The following CPVL variants were observed in gnomAD, a reference collection of about 807,000 sequenced individuals.
The protein encoded by CPVL is carboxypeptidase vitellogenic like, also known as probable serine carboxypeptidase CPVL.
CPVL carries 51 observed loss-of-function variants against 63.7 expected under a neutral mutation model. That is an observed-to-expected ratio of 0.80 (90% CI 0.64 to 1.01). CPVL has a LOEUF of 1.01. CPVL is among the 50% of genes least tolerant of loss of function. The pLI, the probability that CPVL is intolerant of heterozygous loss-of-function variation, is 0.00. For missense variants in CPVL, 530 were observed against 573.1 expected (o/e 0.92, Z 0.77); for synonymous variants, 195 against 206.0 (o/e 0.95, Z 0.46).
chr7:29,038,809 G>T (rs183587438), intron 11 of CPVL, among the ~76,000 whole-genome samples: 30 of 152,340 alleles, frequency 2.0e-4, no homozygotes, highest in African/African-American at 5.8e-4. Context: ...TGGATTTGCA[G>T]GTGGTTAAGT....
intron 7 of CPVL, among the ~76,000 whole-genome samples, chr7:29,079,805 A>G (rs1784527635): frequency 6.6e-6 from 1 of 152,142 alleles, no homozygotes; most frequent in Non-Finnish European, 1.5e-5. Context: ...GCTTGAAATT[A>G]CCCTATTACA....
intron 12 of CPVL, chr7:28,996,305 A>C (rs1460409089): frequency 6.5e-6 from 1 of 154,910 alleles, no homozygotes; most frequent in Non-Finnish European, 1.4e-5. Flanking sequence ...TCCACCCTTC[A>C]GTTAGCCAGC....
At chr7:29,128,403 C>T (rs1181481837) in intron 1 of CPVL, among the ~76,000 whole-genome samples, 1 of 152,038 alleles carries the variant, frequency 6.6e-6, no homozygotes, top group Non-Finnish European at 1.5e-5. Flanking sequence ...CTGAGTGCTT[C>T]GCTTCATGAG....
intron 11 of CPVL, among the ~76,000 whole-genome samples, chr7:29,036,585 C>T (rs1269566060): frequency 6.6e-6 from 1 of 152,178 alleles, no homozygotes; most frequent in Non-Finnish European, 1.5e-5. Context: ...ACACCCTTGA[C>T]TACTAATTTT....
chr7:29,076,348 C>G (rs574208189), intron 7 of CPVL, among the ~76,000 whole-genome samples: 2 of 152,224 alleles, frequency 1.3e-5, no homozygotes, highest in Admixed American at 1.3e-4. Context: ...GTCAATGAAG[C>G]CCCTGAGGTC....
chr7:29,003,862 G>T (rs1230716221), intron 12 of CPVL, among the ~76,000 whole-genome samples: 2 of 152,012 alleles, frequency 1.3e-5, no homozygotes, highest in African/African-American at 4.8e-5. Flanking sequence ...TCACAATAGG[G>T]TTCCCCTCCT....
upstream of CPVL, among the ~76,000 whole-genome samples, chr7:29,148,089 A>C (rs117161309): frequency 9.2e-5 from 14 of 152,332 alleles, no homozygotes; most frequent in East Asian, 2.1e-3. Flanking sequence ...CAGAGTCAGC[A>C]ATGTTCGCCC....
chr7:29,036,487 ACT>A (rs1460748711), intron 11 of CPVL, among the ~76,000 whole-genome samples: 1 of 152,030 alleles, frequency 6.6e-6, no homozygotes, highest in African/African-American at 2.4e-5. Flanking sequence ...TGTCAATCTC[ACT>A]CTTTCAGAAA....
chr7:29,091,180 G>A (rs1785737179), intron 6 of CPVL, among the ~76,000 whole-genome samples: 1 of 152,198 alleles, frequency 6.6e-6, no homozygotes, highest in African/African-American at 2.4e-5. Context: ...TACATGTCAG[G>A]AAAGAGGAGA....
intron 12 of CPVL, among the ~76,000 whole-genome samples, chr7:29,017,905 G>A (rs1161270447): frequency 6.6e-6 from 1 of 152,222 alleles, no homozygotes; most frequent in Admixed American, 6.5e-5. Flanking sequence ...CATGAAATGG[G>A]TAGGATACTT....
At chr7:29,140,158 G>A (rs957203793) in intron 1 of CPVL, among the ~76,000 whole-genome samples, 6 of 152,094 alleles carry the variant, frequency 3.9e-5, no homozygotes, top group Admixed American at 2.0e-4. Context: ...TGCAGGCCTC[G>A]GCTGGACACA....
chr7:29,039,896 A>G (rs1788904465), intron 11 of CPVL, among the ~76,000 whole-genome samples: 2 of 152,210 alleles, frequency 1.3e-5, no homozygotes, highest in African/African-American at 4.8e-5. Context: ...ATATATCATA[A>G]TACTTTGCAG....
At chr7:29,084,967 T>C (rs1785068915) in intron 7 of CPVL, among the ~76,000 whole-genome samples, 1 of 152,152 alleles carries the variant, frequency 6.6e-6, no homozygotes, top group African/African-American at 2.4e-5. Flanking sequence ...ACCACAGCCC[T>C]CAATGTGGGA....
At chr7:29,132,445 G>T (rs1167651364) in intron 1 of CPVL, among the ~76,000 whole-genome samples, 1 of 152,108 alleles carries the variant, frequency 6.6e-6, no homozygotes, top group African/African-American at 2.4e-5. Flanking sequence ...CCTCCGTAGG[G>T]GTAGGGTGTC....
chr7:29,083,939 T>C (rs1784974361), intron 7 of CPVL, among the ~76,000 whole-genome samples: 1 of 152,156 alleles, frequency 6.6e-6, no homozygotes, highest in Admixed American at 6.5e-5. Context: ...CCTTTTTTTT[T>C]CTTTTTTCAA....
chr7:29,132,973 G>T (rs1194796262), intron 1 of CPVL, among the ~76,000 whole-genome samples: 2 of 152,120 alleles, frequency 1.3e-5, no homozygotes, highest in African/African-American at 4.8e-5. Context: ...GAAAGTGGAG[G>T]ATGAGAAATG....
intron 5 of CPVL, among the ~76,000 whole-genome samples, chr7:29,093,218 A>C (rs1786013380): frequency 6.6e-6 from 1 of 151,830 alleles, no homozygotes. Flanking sequence ...TTCTACTAAA[A>C]ATACGAAAAT....
intron 5 of CPVL, among the ~76,000 whole-genome samples, chr7:29,168,474 A>G (rs568634354): frequency 1.3e-5 from 2 of 152,358 alleles, no homozygotes; most frequent in Admixed American, 6.5e-5. Context: ...CTCATAGTCA[A>G]TCTTTTTTGC....
chr7:29,038,897 G>C (rs1334581372), intron 11 of CPVL, among the ~76,000 whole-genome samples: 1 of 152,158 alleles, frequency 6.6e-6, no homozygotes, highest in Non-Finnish European at 1.5e-5. Context: ...TGTGTATGTA[G>C]TGTGTTTTGT....
Sources: gnomAD v4.1 joint callset for allele counts (sites outside exome capture counted in the v4.1 genomes callset) on GRCh38, gnomAD v4.1.1 for gene constraint, MANE v1.5 for transcripts, NCBI Gene and HGNC (gene_info 2026-07-23, HGNC 2026-07-21) for gene names.